PCLO: variants seen among roughly 807,000 people sequenced by gnomAD.
PCLO encodes piccolo presynaptic cytomatrix protein, also known as protein piccolo.
Under a neutral mutation model 427.5 loss-of-function variants are expected in PCLO, and 82 were observed. The observed-to-expected ratio is 0.19, with a 90% CI of 0.16 to 0.23. The LOEUF (loss-of-function observed/expected upper bound fraction) is 0.23. Ranked by LOEUF, PCLO falls within the 10% of genes least tolerant of loss-of-function variation. The pLI, the probability that PCLO is intolerant of heterozygous loss-of-function variation, is 1.00. For synonymous variants in PCLO, 2,357 were observed against 2,155.4 expected (o/e 1.09, Z -2.59); for missense variants, 6,239 against 6,115.9 (o/e 1.02, Z -0.67).
chr7:83,088,843 C>G (rs780140590), intron 3 of PCLO, among the ~76,000 whole-genome samples: 3 of 152,054 alleles, frequency 2.0e-5, no homozygotes, highest in Non-Finnish European at 4.4e-5. Context: ...CTCCTTACCT[C>G]ATCTCAATCT....
At chr7:82,780,224 C>T (rs1157965243) in intron 22 of PCLO, among the ~76,000 whole-genome samples, 1 of 152,038 alleles carries the variant, frequency 6.6e-6, no homozygotes, top group Non-Finnish European at 1.5e-5. Flanking sequence ...TGGTCTCAGG[C>T]CTCTTATTAA....
intron 8 of PCLO, among the ~76,000 whole-genome samples, chr7:82,903,476 G>A (rs1256789276): frequency 6.6e-6 from 1 of 151,930 alleles, no homozygotes; most frequent in Non-Finnish European, 1.5e-5. Context: ...ATTGAGACTT[G>A]AATATGAGAA....
In PCLO at chr7:82,951,750, G is replaced by C. The variant is rs140473658; in HGVS notation, c.9097+106C>G. On this transcript the variant is annotated intron_variant, in intron 5 of 24. Coordinates refer to ENST00000333891, the MANE Select transcript of PCLO (RefSeq NM_033026.6). ...TGCTGCTATAACATCCAAAGAAAGA[G>C]AAAAAGTAACAAAACTGGAAAAGAA... The C allele has an allele frequency of 2.6e-5, 38 of 1,451,056 alleles. No homozygotes were observed. In the East Asian group the frequency reaches 8.9e-4, roughly 34 times the overall value. 89.9% of individuals were successfully genotyped at this position (1,451,056 alleles called of 1,614,324 possible).
intron 3 of PCLO, among the ~76,000 whole-genome samples, chr7:83,049,423 A>G (rs377441476): frequency 1.3e-5 from 2 of 152,250 alleles, no homozygotes; most frequent in East Asian, 1.9e-4. Flanking sequence ...TTATTTCCAA[A>G]AGCCAGCAAA....
At chr7:82,820,831 A>G (rs1446812464) in intron 20 of PCLO, 12 of 1,231,018 alleles carry the variant, frequency 9.7e-6, no homozygotes, top group Non-Finnish European at 1.2e-5. Flanking sequence ...GGTTAGTAGC[A>G]TGCATTCCAT....
At chr7:82,909,878 A>T (rs1794280148) in intron 7 of PCLO, among the ~76,000 whole-genome samples, 2 of 152,128 alleles carry the variant, frequency 1.3e-5, no homozygotes, top group South Asian at 4.1e-4. Flanking sequence ...ACACTGTGAC[A>T]AAATTTCACA....
chr7:82,879,815 A>T, intron 9 of PCLO: 2 of 451,874 alleles, frequency 4.4e-6, no homozygotes, highest in Admixed American at 4.9e-5. Flanking sequence ...AGACTAAGGA[A>T]CATTTTACTT....
chr7:82,990,612 C>T (rs529737918), intron 3 of PCLO, among the ~76,000 whole-genome samples: 9 of 152,006 alleles, frequency 5.9e-5, no homozygotes, highest in Admixed American at 3.9e-4. Flanking sequence ...AACAGAAATC[C>T]GTAACTACTA....
chr7:83,048,756 G>C (rs1789161655), intron 3 of PCLO, among the ~76,000 whole-genome samples: 1 of 152,016 alleles, frequency 6.6e-6, no homozygotes, highest in Admixed American at 6.6e-5. Flanking sequence ...TCATGCTCCA[G>C]ACTCTCTATT....
intron 3 of PCLO, among the ~76,000 whole-genome samples, chr7:83,124,707 G>A (rs11974453): frequency 0.49 from 74,069 of 151,490 alleles, 18,983 homozygotes; most frequent in East Asian, 0.69. Context: ...AGACATATAT[G>A]CTCTCCCTCT....
At chr7:83,091,918 C>T (rs1215772886) in intron 3 of PCLO, among the ~76,000 whole-genome samples, 1 of 152,126 alleles carries the variant, frequency 6.6e-6, no homozygotes, top group African/African-American at 2.4e-5. Context: ...TTCCTACATG[C>T]TACAACCAAA....
chr7:82,982,329 G>C (rs1796165004), intron 3 of PCLO, among the ~76,000 whole-genome samples: 1 of 152,092 alleles, frequency 6.6e-6, no homozygotes, highest in African/African-American at 2.4e-5. Flanking sequence ...ATGAGACTCA[G>C]GGAAGGCTTT....
At chr7:82,804,163 T>C (rs908592651) in intron 21 of PCLO, among the ~76,000 whole-genome samples, 2 of 152,194 alleles carry the variant, frequency 1.3e-5, no homozygotes, top group African/African-American at 4.8e-5. Context: ...AATTCTTTTC[T>C]GTCAAATTGG....
chr7:82,906,266 T>C (rs1794190630), intron 8 of PCLO, among the ~76,000 whole-genome samples: 2 of 152,068 alleles, frequency 1.3e-5, no homozygotes, highest in Non-Finnish European at 2.9e-5. Context: ...GTATTATTGG[T>C]TTTATTACTT....
chr7:83,080,282 C>A (rs1303906022), intron 3 of PCLO, among the ~76,000 whole-genome samples: 1 of 152,096 alleles, frequency 6.6e-6, no homozygotes. Context: ...TTCTAGATAT[C>A]TGAGGAATCA....
intron 3 of PCLO, among the ~76,000 whole-genome samples, chr7:83,115,851 A>G (rs1253323726): frequency 2.0e-5 from 3 of 152,026 alleles, no homozygotes; most frequent in Non-Finnish European, 4.4e-5. Flanking sequence ...CAACACTGTC[A>G]TATCATCCCC....
chr7:83,054,115 G>C (rs1316780262), intron 3 of PCLO, among the ~76,000 whole-genome samples: 2 of 151,966 alleles, frequency 1.3e-5, no homozygotes, highest in African/African-American at 4.8e-5. Context: ...AAAGAAACAT[G>C]ATAGTTTACA....
intron 3 of PCLO, among the ~76,000 whole-genome samples, chr7:83,045,427 G>A (rs1391730206): frequency 6.6e-6 from 1 of 152,038 alleles, no homozygotes; most frequent in African/African-American, 2.4e-5. Flanking sequence ...CAGCTAAAAT[G>A]CCTTCTGCTC....
rs186930152 is a variant in PCLO at position 83,060,820 on chromosome 7, T to C, written c.3300+73430A>G. ...GCTGAATCCAGCTCCACAATGATGA[T>C]ATTATTTTAAAAGATTATTACTTTC... On this transcript the variant is annotated intron_variant, in intron 3 of 24. Coordinates refer to ENST00000333891, the MANE Select transcript of PCLO (RefSeq NM_033026.6). Among the ~76,000 whole-genome samples the C allele has an allele frequency of 1.1e-4, 16 of 152,340 alleles. No individual in the cohort carries two copies. The East Asian group carries it at 2.7e-3, about 26-fold the overall frequency.
Sources: gnomAD v4.1 joint callset for allele counts (sites outside exome capture counted in the v4.1 genomes callset) on GRCh38, gnomAD v4.1.1 for gene constraint, MANE v1.5 for transcripts, NCBI Gene and HGNC (gene_info 2026-07-23, HGNC 2026-07-21) for gene names.